DROSHA: variants seen among roughly 807,000 people sequenced by gnomAD.
DROSHA encodes drosha ribonuclease III, also known as ribonuclease 3.
In DROSHA, 56 loss-of-function variants were observed where a neutral mutation model predicts 181.9. The ratio of observed to expected loss-of-function variants is 0.31; its 90% CI spans 0.25 to 0.38. DROSHA has a LOEUF of 0.38. DROSHA is among the 10% of genes least tolerant of loss of function. The pLI is 1.00. For missense variants in DROSHA, 1,218 were observed against 1,743.5 expected, an observed-to-expected ratio of 0.70 and a Z score of 5.37; for synonymous variants, 524 against 591.2, an observed-to-expected ratio of 0.89 and a Z score of 1.65.
At chr5:31,483,734 C>A (rs1436103127) in intron 15 of DROSHA, 106 bp from the exon 16 acceptor site, 1 of 1,126,150 alleles carries the variant, frequency 8.9e-7, no homozygotes, top group Non-Finnish European at 1.3e-6. Context: ...AAAACTACCA[C>A]CAGAAGTAGA....
chr5:31,482,655 CT>C (rs1751165895), intron 16 of DROSHA, among the ~76,000 whole-genome samples: 1 of 152,010 alleles, frequency 6.6e-6, no homozygotes. Flanking sequence ...GTAACAGAAC[CT>C]TGTGGAGAGA....
At chr5:31,401,776 G>A (rs1740027471) in intron 35 of DROSHA, among the ~76,000 whole-genome samples, 1 of 152,060 alleles carries the variant, frequency 6.6e-6, no homozygotes, top group African/African-American at 2.4e-5. Flanking sequence ...GCCCCTGATT[G>A]TAAATTTCAG....
chr5:31,500,202 TG>T (rs971533591), intron 11 of DROSHA, among the ~76,000 whole-genome samples: 7 of 152,170 alleles, frequency 4.6e-5, no homozygotes, highest in Admixed American at 3.9e-4. Flanking sequence ...TACCTATAAT[TG>T]GGGTCATTTC....
chr5:31,493,132 A>G (rs772508497), intron 13 of DROSHA, 75 bp downstream of exon 13: 83 of 1,405,500 alleles, frequency 5.9e-5, no homozygotes, highest in Non-Finnish European at 7.8e-5. Context: ...ATGACAGGAA[A>G]TGTTTTGACT....
intron 16 of DROSHA, among the ~76,000 whole-genome samples, chr5:31,481,450 C>T (rs1007809974): frequency 2.0e-4 from 31 of 152,152 alleles, no homozygotes; most frequent in Non-Finnish European, 3.4e-4. Context: ...GGTCATAAAA[C>T]GCCTACAGGA....
intron 24 of DROSHA, 131 bp downstream of exon 24, chr5:31,437,108 C>G (rs13154133): frequency 9.9e-7 from 1 of 1,012,136 alleles, no homozygotes; most frequent in South Asian, 1.6e-5. Context: ...CTTCTAAGCT[C>G]TACAAAAGAG....
At chr5:31,420,591 C>A (rs552773205) in intron 30 of DROSHA, among the ~76,000 whole-genome samples, 2 of 152,314 alleles carry the variant, frequency 1.3e-5, no homozygotes, top group South Asian at 2.1e-4. Context: ...CATGGTCTAA[C>A]CAAACTAAGT....
chr5:31,406,203 T>C (rs1740633243), intron 34 of DROSHA, among the ~76,000 whole-genome samples: 2 of 152,090 alleles, frequency 1.3e-5, no homozygotes, highest in South Asian at 2.1e-4. Flanking sequence ...AGGTGAGTAG[T>C]AGTAAATCGA....
chr5:31,530,334 C>T (rs1444759077), intron 3 of DROSHA, among the ~76,000 whole-genome samples: 2 of 151,960 alleles, frequency 1.3e-5, no homozygotes, highest in African/African-American at 2.4e-5. Flanking sequence ...ACCTGGGGCC[C>T]GGACAGGTGC....
intron 18 of DROSHA, chr5:31,467,358 C>T (rs2150026409): frequency 6.6e-6 from 1 of 151,308 alleles, no homozygotes; most frequent in South Asian, 2.1e-4. Context: ...CCAAACAGTC[C>T]CGAAGAATCT....
intron 35 of DROSHA, among the ~76,000 whole-genome samples, chr5:31,404,741 A>T (rs1436927779): frequency 6.6e-6 from 1 of 151,886 alleles, no homozygotes; most frequent in East Asian, 1.9e-4. Context: ...CACGCATCCC[A>T]CTCCTGGGAA....
intron 23 of DROSHA, among the ~76,000 whole-genome samples, chr5:31,447,722 C>T (rs1580127917): frequency 6.6e-6 from 1 of 152,030 alleles, no homozygotes; most frequent in African/African-American, 2.4e-5. Context: ...AGAAGATGAA[C>T]AAATAGTCAA....
At chr5:31,404,241 T>A (rs1740385387) in intron 35 of DROSHA, among the ~76,000 whole-genome samples, 1 of 152,132 alleles carries the variant, frequency 6.6e-6, no homozygotes, top group African/African-American at 2.4e-5. Flanking sequence ...GAATAGGTGA[T>A]CTCTCCAGTA....
At chr5:31,476,797 C>G (rs1750420866) in intron 16 of DROSHA, among the ~76,000 whole-genome samples, 1 of 152,118 alleles carries the variant, frequency 6.6e-6, no homozygotes, top group African/African-American at 2.4e-5. Context: ...TCTCTCACAC[C>G]CAGCCTGGCA....
Position 31,525,675 on chromosome 5 carries a change from T to A in DROSHA, c.854+404A>T, listed in dbSNP as rs181253808. 1.0e-3 allele frequency among the ~76,000 whole-genome samples: 153 copies of A among 152,302 alleles called. 2 individuals are homozygous for A. The Middle Eastern group carries it at 0.014, about 14-fold the overall frequency. The stretch of plus-strand genomic sequence containing the variant: ...TCCTGTTAACTAATTTGATTCTTTA[T>A]TAACACGCAGATCGCCAGTTCCAAA... On this transcript the variant is annotated intron_variant, in intron 5 of 35. Transcript: ENST00000344624.
At chr5:31,491,033 A>T (rs2150041776) in intron 13 of DROSHA, among the ~76,000 whole-genome samples, 1 of 152,342 alleles carries the variant, frequency 6.6e-6, no homozygotes, top group East Asian at 1.9e-4. Flanking sequence ...GATGTTTTTA[A>T]AAATGATGTT....
rs375239287 is a variant in DROSHA at position 31,486,482 on chromosome 5, T to C, written c.1914+9A>G. ...ACTACATCAAACCACACACAATCTT[T>C]TCCCTTACCTCCGGCATCATCTCTT... On this transcript the variant is annotated intron_variant, in intron 14 of 35. Coordinates refer to ENST00000344624, the MANE Select transcript of DROSHA (RefSeq NM_001382508.1). 1.5e-5 allele frequency: 25 copies of C among 1,613,210 alleles called. No homozygotes were observed. Among genetic ancestry groups the C allele is most frequent in the Non-Finnish European group, 1.9e-5 (22 of 1,179,626 alleles).
In DROSHA at chr5:31,464,293, C is replaced by T. The variant is rs759302979; in HGVS notation, c.2517G>A (p.Thr839=). The T allele has an allele frequency of 3.7e-6, 6 of 1,613,248 alleles. No homozygotes were observed. Among genetic ancestry groups the T allele is most frequent in the Middle Eastern group, 1.6e-4 (1 of 6,084 alleles). Residue 839 remains threonine, a synonymous_variant, in exon 20 of 36, where the codon ACG becomes ACA. Coordinates refer to ENST00000344624, the MANE Select transcript of DROSHA (RefSeq NM_001382508.1). The part of the protein sequence containing the change: ...RQKNTMRREV[T]VELSSQGFWK... ...AGAATCCTTGGCTACTTAGCTCCAC[C>T]GTTACTTCTCGTCTCATTGTATTCT...
intron 16 of DROSHA, among the ~76,000 whole-genome samples, chr5:31,480,754 G>A (rs1750940461): frequency 6.6e-6 from 1 of 152,128 alleles, no homozygotes; most frequent in South Asian, 2.1e-4. Context: ...TCCCTGCTAT[G>A]TGCCATGAAG....
Sources: allele counts gnomAD v4.1 joint callset (sites outside exome capture counted in the v4.1 genomes callset), GRCh38; gene constraint gnomAD v4.1.1; transcripts MANE v1.5; gene names NCBI Gene and HGNC (gene_info 2026-07-23, HGNC 2026-07-21).